The following CSMD3 variants were observed in gnomAD, a reference collection of about 807,000 sequenced individuals.
CSMD3 encodes CUB and sushi domain-containing protein 3.
CSMD3 carries 177 observed loss-of-function variants against 435.2 expected under a neutral mutation model. The ratio of observed to expected loss-of-function variants is 0.41; its 90% CI spans 0.36 to 0.46. CSMD3 has a LOEUF of 0.46. Ranked by LOEUF, CSMD3 falls within the 20% of genes least tolerant of loss-of-function variation. The pLI is 0.34. For synonymous variants in CSMD3, 1,656 were observed against 1,520.5 expected (o/e 1.09, Z -2.07); for missense variants, 4,265 against 4,504.6 (o/e 0.95, Z 1.52).
chr8:112,669,188 A>T (rs978735713), intron 16 of CSMD3, among the ~76,000 whole-genome samples: 3 of 151,708 alleles, frequency 2.0e-5, no homozygotes, highest in Non-Finnish European at 4.4e-5. Context: ...ACACACCACC[A>T]CACCCGGCTA....
chr8:112,559,852 T>C lies in CSMD3; in HGVS notation c.4043-2898A>G, dbSNP rs917600538. Among the ~76,000 whole-genome samples, 7 of 151,984 alleles carry C rather than the reference T, an allele frequency of 4.6e-5. No homozygotes were observed. The South Asian group carries it at 6.2e-4, about 13-fold the overall frequency. The stretch of plus-strand genomic sequence containing the variant: ...CCAAGGACAATTAGGTGAAAACTTA[T>C]ATTAATTACAGCTTCTGAGGATAGA... On this transcript the variant is annotated intron_variant, in intron 24 of 70. Transcript: ENST00000297405.
chr8:112,360,625 C>T (rs896410616), intron 38 of CSMD3, among the ~76,000 whole-genome samples: 5 of 151,790 alleles, frequency 3.3e-5, no homozygotes, highest in Non-Finnish European at 7.4e-5. Context: ...TTTCCTGCAT[C>T]TCCAGAGTTT....
intron 6 of CSMD3, among the ~76,000 whole-genome samples, chr8:112,997,067 T>G (rs2085680780): frequency 1.3e-5 from 2 of 151,118 alleles, no homozygotes; most frequent in South Asian, 4.1e-4. Context: ...ATTTGTAAAA[T>G]GGAGAAAAGT....
chr8:112,517,006 A>G, intron 28 of CSMD3, 28 bp downstream of exon 28: 1 of 1,562,378 alleles, frequency 6.4e-7, no homozygotes, highest in South Asian at 1.1e-5. Flanking sequence ...ATGTTTATAT[A>G]AAATTTTAAT....
intron 32 of CSMD3, among the ~76,000 whole-genome samples, chr8:112,449,939 G>A (rs2130585511): frequency 6.6e-6 from 1 of 152,226 alleles, no homozygotes; most frequent in Middle Eastern, 3.4e-3. Flanking sequence ...GGCCAGGCTG[G>A]TCTTGAACTC....
intron 52 of CSMD3, among the ~76,000 whole-genome samples, chr8:112,304,457 T>C (rs1821227235): frequency 6.6e-6 from 1 of 152,016 alleles, no homozygotes; most frequent in Non-Finnish European, 1.5e-5. Flanking sequence ...AAGTAATCAT[T>C]ACTTCATTGT....
intron 45 of CSMD3, among the ~76,000 whole-genome samples, chr8:112,322,411 C>T (rs900048954): frequency 1.3e-5 from 2 of 151,990 alleles, no homozygotes; most frequent in African/African-American, 4.8e-5. Context: ...CTGTTCTTTC[C>T]TATCACTGTC....
At chr8:112,754,025 G>T (rs1333595893) in intron 13 of CSMD3, among the ~76,000 whole-genome samples, 1 of 152,208 alleles carries the variant, frequency 6.6e-6, no homozygotes, top group Non-Finnish European at 1.5e-5. Context: ...AAAGTCTGAT[G>T]AATAATGCAA....
intron 32 of CSMD3, among the ~76,000 whole-genome samples, chr8:112,460,776 A>T (rs1025359058): frequency 6.6e-6 from 1 of 152,172 alleles, no homozygotes; most frequent in Non-Finnish European, 1.5e-5. Flanking sequence ...CCACAGCTTC[A>T]GTGAATTTGG....
chr8:112,809,682 A>C (rs529671457), intron 12 of CSMD3, among the ~76,000 whole-genome samples: 2 of 152,308 alleles, frequency 1.3e-5, no homozygotes, highest in African/African-American at 4.8e-5. Flanking sequence ...CCCAGTGATT[A>C]AGATGGGCTT....
chr8:113,186,847 G>C (rs1242611513), intron 3 of CSMD3, among the ~76,000 whole-genome samples: 1 of 151,932 alleles, frequency 6.6e-6, no homozygotes, highest in African/African-American at 2.4e-5. Flanking sequence ...TTGTTGCTGG[G>C]AGAAGTTCAT....
At chr8:113,334,881 T>C (rs1397154176) in intron 1 of CSMD3, among the ~76,000 whole-genome samples, 1 of 152,082 alleles carries the variant, frequency 6.6e-6, no homozygotes, top group Non-Finnish European at 1.5e-5. Flanking sequence ...TCATTATGTT[T>C]TTAAAGTCTG....
chr8:112,876,203 A>G (rs1239807571), intron 10 of CSMD3, among the ~76,000 whole-genome samples: 7 of 152,118 alleles, frequency 4.6e-5, no homozygotes, highest in Admixed American at 3.9e-4. Context: ...TACCAACCAT[A>G]AAAAGACCAG....
intron 2 of CSMD3, among the ~76,000 whole-genome samples, chr8:113,300,417 G>C (rs938694500): frequency 6.6e-6 from 1 of 152,062 alleles, no homozygotes; most frequent in Non-Finnish European, 1.5e-5. Flanking sequence ...ATTCCCAATA[G>C]CAAAGTCATG....
intron 27 of CSMD3, among the ~76,000 whole-genome samples, chr8:112,525,347 A>T (rs1019631862): frequency 6.7e-6 from 1 of 149,554 alleles, no homozygotes; most frequent in Non-Finnish European, 1.5e-5. Flanking sequence ...AATTTTATTT[A>T]TATATGATTT....
rs183714392 is a variant in CSMD3 at position 112,445,219 on chromosome 8, G to A, written c.5395+27372C>T. 9.2e-4 allele frequency among the ~76,000 whole-genome samples: 140 copies of A among 152,174 alleles called. No homozygotes were observed. In the South Asian group the frequency reaches 0.011, roughly 12 times the overall value. On this transcript the variant is annotated intron_variant, in intron 32 of 70. Transcript: ENST00000297405. ...GATTGCACCACCGCACTCCAGCCTCGTTGACAGAGTGGAGTGTGGAGACTC... is the reference window on the plus strand; with the variant it reads ...GATTGCACCACCGCACTCCAGCCTCATTGACAGAGTGGAGTGTGGAGACTC...
At chr8:113,128,007 T>A (rs1441817500) in intron 4 of CSMD3, among the ~76,000 whole-genome samples, 1 of 152,144 alleles carries the variant, frequency 6.6e-6, no homozygotes, top group Non-Finnish European at 1.5e-5. Flanking sequence ...TTCTCTATTA[T>A]CTTTTAGAGT....
At chr8:113,034,818 A>G (rs2087271032) in intron 5 of CSMD3, among the ~76,000 whole-genome samples, 1 of 152,154 alleles carries the variant, frequency 6.6e-6, no homozygotes, top group Non-Finnish European at 1.5e-5. Context: ...AGACCACTCA[A>G]TGAAGAATAC....
At chr8:112,974,648 CT>C (rs2084779877) in intron 7 of CSMD3, among the ~76,000 whole-genome samples, 1 of 151,596 alleles carries the variant, frequency 6.6e-6, no homozygotes, top group Non-Finnish European at 1.5e-5. Context: ...TTGATTTAAT[CT>C]TTTTGAGAAG....
Sources: allele counts gnomAD v4.1 joint callset (sites outside exome capture counted in the v4.1 genomes callset), GRCh38; gene constraint gnomAD v4.1.1; transcripts MANE v1.5; gene names NCBI Gene and HGNC (gene_info 2026-07-23, HGNC 2026-07-21).